The following NELL1 variants were observed in gnomAD, a reference collection of about 807,000 sequenced individuals.
NELL1 encodes neural EGFL like 1.
A neutral mutation model predicts 107.4 loss-of-function variants in NELL1; 76 were observed. That is an observed-to-expected ratio of 0.71 (90% CI 0.59 to 0.86). NELL1 has a LOEUF of 0.86. Ranked by LOEUF, NELL1 falls within the 40% of genes least tolerant of loss-of-function variation. The pLI, the probability that NELL1 is intolerant of heterozygous loss-of-function variation, is 0.00. For missense variants in NELL1, 1,024 were observed against 1,005.5 expected (o/e 1.02, Z -0.25); for synonymous variants, 353 against 341.2 (o/e 1.03, Z -0.38).
intron 17 of NELL1, among the ~76,000 whole-genome samples, chr11:21,565,970 ATT>A (rs1227550317): frequency 6.6e-6 from 1 of 151,898 alleles, no homozygotes; most frequent in Admixed American, 6.6e-5. Context: ...ACCAACCCTA[ATT>A]TCATAGTCTA....
At chr11:20,707,744 G>C (rs539394295) in intron 2 of NELL1, among the ~76,000 whole-genome samples, 186 of 152,330 alleles carry the variant, frequency 1.2e-3, no homozygotes, top group African/African-American at 4.3e-3. Flanking sequence ...TTGTCTCAGA[G>C]GGGCACCTGG....
intron 3 of NELL1, among the ~76,000 whole-genome samples, chr11:20,805,704 G>A (rs548763769): frequency 1.7e-3 from 259 of 152,072 alleles, no homozygotes; most frequent in Non-Finnish European, 2.9e-3. Context: ...GCATTTCACC[G>A]TGTTAGCCAG....
rs534933216 is a variant in NELL1 at position 21,070,985 on chromosome 11, TA to T, written c.1301-42602del. ...AACACATCTCCCATTGTAAAGACGC[TA>T]AGCATTTTAAGTGCTAACCTTGTTT... On this transcript the variant is annotated intron_variant, in intron 12 of 19. Coordinates refer to ENST00000357134, the MANE Select transcript of NELL1 (RefSeq NM_006157.5). Among the ~76,000 whole-genome samples, 353 of 152,326 alleles carry T rather than the reference TA, an allele frequency of 2.3e-3. 3 individuals carry two copies. The highest frequency in any genetic ancestry group is 0.022 in the South Asian group (108 of 4,832).
rs143003088 is a variant in NELL1 at position 21,384,838 on chromosome 11, G to A, written c.1645+13890G>A. ...ATATGTGACACATTTTCTTAATCCA[G>A]TCTATCATTGTTGGACATTTGGGTT... On this transcript the variant is annotated intron_variant, in intron 15 of 19. Transcript: ENST00000357134. 7.4e-3 allele frequency among the ~76,000 whole-genome samples: 1,120 copies of A among 151,914 alleles called. 16 individuals carry two copies. The highest frequency in any genetic ancestry group is 0.025 in the African/African-American group (1,048 of 41,420).
At position 20,669,899 on chromosome 11, in the gene NELL1, C is replaced by A; in HGVS notation, c.55+121C>A. On this transcript the variant is annotated intron_variant, in intron 1 of 19. Coordinates refer to ENST00000357134, the MANE Select transcript of NELL1 (RefSeq NM_006157.5). The surrounding 1 kb of genome is among the most constrained non-coding windows in gnomAD (Gnocchi z 4.4). ...TCTGGGGAACGGCGGTAGCGTGGAC[C>A]GGTTCCTGGGATCTCTTTGCCCTGC... The A allele has an allele frequency of 2.5e-6, 2 of 802,822 alleles. No homozygotes were observed. The highest frequency in any genetic ancestry group is 1.5e-5 in the South Asian group (1 of 68,272). 49.7% of individuals were successfully genotyped at this position (802,822 alleles called of 1,614,324 possible).
intron 13 of NELL1, among the ~76,000 whole-genome samples, chr11:21,226,490 G>A (rs1421630157): frequency 1.3e-5 from 2 of 152,124 alleles, no homozygotes; most frequent in Non-Finnish European, 2.9e-5. Context: ...TGTTGTCTAA[G>A]TTTCTTCATT....
chr11:21,283,242 A>G (rs1849037503), intron 14 of NELL1, among the ~76,000 whole-genome samples: 1 of 152,214 alleles, frequency 6.6e-6, no homozygotes, highest in Non-Finnish European at 1.5e-5. Flanking sequence ...TGTGATTATT[A>G]TGCATTGCAT....
intron 4 of NELL1, among the ~76,000 whole-genome samples, chr11:20,850,843 A>G (rs922067044): frequency 1.3e-5 from 2 of 152,190 alleles, no homozygotes; most frequent in African/African-American, 4.8e-5. Flanking sequence ...TGTTCTAGTA[A>G]TAGTATTCCT....
rs536754529 is a variant in NELL1, at chr11:21,501,340, G to A, written c.1646-33034G>A. Among the ~76,000 whole-genome samples the A allele has an allele frequency of 2.0e-5, 3 of 152,268 alleles. No homozygotes were observed. In the South Asian group the frequency reaches 6.2e-4, roughly 32 times the overall value. On this transcript the variant is annotated intron_variant, in intron 15 of 19. Coordinates refer to ENST00000357134, the MANE Select transcript of NELL1 (RefSeq NM_006157.5). ...AATTGAAGATGTGTGAGTTCATACT[G>A]GTAAATTGCTGGGGTAGGCGTTTCA...
chr11:20,861,993 A>G (rs1021093788), intron 4 of NELL1, among the ~76,000 whole-genome samples: 24 of 152,214 alleles, frequency 1.6e-4, no homozygotes, highest in African/African-American at 5.5e-4. Flanking sequence ...ATAAGGATAT[A>G]TAATGTTTAC....
At chr11:20,956,852 G>A (rs1444273083) in intron 11 of NELL1, among the ~76,000 whole-genome samples, 1 of 152,044 alleles carries the variant, frequency 6.6e-6, no homozygotes, top group Non-Finnish European at 1.5e-5. Flanking sequence ...AGATGATAAA[G>A]CATCTTTATA....
Position 20,880,594 on chromosome 11 carries a change from C to T in NELL1, c.507-4850C>T, listed in dbSNP as rs754685596. ...CCACACTATCTAAGATACTTCTTGG[C>T]TTTGTGGGCGTGAAAAAGGCAACAG... On this transcript the variant is annotated intron_variant, in intron 4 of 19. Coordinates refer to ENST00000357134, the MANE Select transcript of NELL1 (RefSeq NM_006157.5). Among the ~76,000 whole-genome samples, 7 of 152,148 alleles carry T rather than the reference C, an allele frequency of 4.6e-5. 1 individual carries two copies. Among genetic ancestry groups the T allele is most frequent in the Non-Finnish European group, 7.4e-5 (5 of 68,022 alleles).
At chr11:20,806,380 G>A (rs1192053021) in intron 3 of NELL1, among the ~76,000 whole-genome samples, 1 of 151,916 alleles carries the variant, frequency 6.6e-6, no homozygotes, top group Non-Finnish European at 1.5e-5. Context: ...TGGCCAGTAA[G>A]GTTTCCACTG....
intron 15 of NELL1, among the ~76,000 whole-genome samples, chr11:21,393,733 G>A (rs1851927668): frequency 6.6e-6 from 1 of 151,646 alleles, no homozygotes; most frequent in Admixed American, 6.6e-5. Context: ...TTAAGATTGG[G>A]AAATGATGGG....
At chr11:21,321,271 C>T (rs1187476520) in intron 14 of NELL1, among the ~76,000 whole-genome samples, 3 of 152,076 alleles carry the variant, frequency 2.0e-5, no homozygotes, top group African/African-American at 7.2e-5. Flanking sequence ...ATCAGCAATC[C>T]ATCTCACCCT....
chr11:21,423,869 A>T (rs1216124784), intron 15 of NELL1, among the ~76,000 whole-genome samples: 3 of 152,238 alleles, frequency 2.0e-5, no homozygotes, highest in Non-Finnish European at 4.4e-5. Context: ...GACGTTTTAA[A>T]ATAATCACTG....
chr11:20,810,463 G>A (rs1790338254), intron 3 of NELL1, among the ~76,000 whole-genome samples: 1 of 152,082 alleles, frequency 6.6e-6, no homozygotes, highest in South Asian at 2.1e-4. Context: ...CAGTGAGAAC[G>A]TATGATGTTT....
At chr11:21,229,529 T>G in intron 14 of NELL1, 75 bp downstream of exon 14, 1 of 1,574,488 alleles carries the variant, frequency 6.4e-7, no homozygotes, top group Non-Finnish European at 8.7e-7. Context: ...CGTCGGACCT[T>G]CTTGGTAACT....
At chr11:21,208,607 T>C (rs1857437606) in intron 13 of NELL1, among the ~76,000 whole-genome samples, 5 of 152,074 alleles carry the variant, frequency 3.3e-5, no homozygotes, top group Admixed American at 3.3e-4. Context: ...TTTCTTCCCA[T>C]ATCCTTATTT....
Sources: gnomAD v4.1 joint callset for allele counts (sites outside exome capture counted in the v4.1 genomes callset) on GRCh38, gnomAD v4.1.1 for gene constraint, Gnocchi (gnomAD v3.1) non-coding constraint, MANE v1.5 for transcripts, NCBI Gene and HGNC (gene_info 2026-07-23, HGNC 2026-07-21) for gene names.